The following UNC80 variants were observed in gnomAD, a reference collection of about 807,000 sequenced individuals.
UNC80 encodes protein unc-80 homolog.
Under a neutral mutation model 384.6 loss-of-function variants are expected in UNC80, and 164 were observed. The ratio of observed to expected loss-of-function variants is 0.43; its 90% CI spans 0.38 to 0.49. UNC80 has a LOEUF of 0.49. UNC80 is among the 20% of genes least tolerant of loss of function. The pLI is 0.00. For synonymous variants in UNC80, 1,486 were observed against 1,527.8 expected, an observed-to-expected ratio of 0.97 and a Z score of 0.64; for missense variants, 3,330 against 4,143.0, an observed-to-expected ratio of 0.80 and a Z score of 5.39.
chr2:209,874,897 C>T (rs2084640759), intron 23 of UNC80, among the ~76,000 whole-genome samples: 1 of 152,126 alleles, frequency 6.6e-6, no homozygotes, highest in Admixed American at 6.6e-5. Flanking sequence ...CCCTTCTGAG[C>T]TTTCTATTCT....
intron 44 of UNC80, among the ~76,000 whole-genome samples, chr2:209,942,081 A>C (rs549413334): frequency 1.3e-5 from 2 of 152,256 alleles, no homozygotes; most frequent in African/African-American, 4.8e-5. Flanking sequence ...AGGGACCAGT[A>C]CTGGTCTGTG....
intron 22 of UNC80, among the ~76,000 whole-genome samples, chr2:209,855,226 A>G (rs1409874111): frequency 3.3e-5 from 5 of 152,218 alleles, no homozygotes; most frequent in African/African-American, 1.2e-4. Flanking sequence ...GTTCTCACTT[A>G]TAAGTGGGAG....
intron 29 of UNC80, among the ~76,000 whole-genome samples, chr2:209,909,202 A>T (rs1375601744): frequency 1.3e-5 from 2 of 152,218 alleles, no homozygotes; most frequent in Non-Finnish European, 2.9e-5. Flanking sequence ...TAACTCAAAA[A>T]ATATTCTTGA....
chr2:209,779,275 G>A (rs557581761), intron 4 of UNC80, among the ~76,000 whole-genome samples: 1 of 152,030 alleles, frequency 6.6e-6, no homozygotes, highest in African/African-American at 2.4e-5. Context: ...TCAGGCTTGT[G>A]GGATTCTCAC....
intron 6 of UNC80, among the ~76,000 whole-genome samples, chr2:209,791,539 G>A (rs1463158579): frequency 3.3e-5 from 5 of 151,770 alleles, no homozygotes; most frequent in Admixed American, 6.6e-5. Context: ...TCTTTCCTTC[G>A]TCTAAATTTT....
At chr2:209,847,183 C>T (rs2082230522) in intron 21 of UNC80, among the ~76,000 whole-genome samples, 2 of 151,992 alleles carry the variant, frequency 1.3e-5, no homozygotes, top group African/African-American at 4.8e-5. Context: ...CTCTTTATCT[C>T]TCTGTCTCTG....
intron 56 of UNC80, 27 bp downstream of exon 56, chr2:209,973,297 T>C: frequency 6.5e-7 from 1 of 1,536,512 alleles, no homozygotes; most frequent in South Asian, 1.2e-5. Context: ...TCTCTCTCTC[T>C]GTTTGTGCAT....
chr2:209,918,456 T>C (rs557637009), intron 32 of UNC80, 76 bp from the exon 33 acceptor site: 22 of 1,443,844 alleles, frequency 1.5e-5, no homozygotes, highest in African/African-American at 4.2e-5. Context: ...CTGAGACAGA[T>C]TGTGTCATCA....
At chr2:209,837,116 A>C (rs1337631216) in intron 18 of UNC80, among the ~76,000 whole-genome samples, 1 of 152,180 alleles carries the variant, frequency 6.6e-6, no homozygotes, top group Admixed American at 6.5e-5. Context: ...TTTTTAAAAA[A>C]AGAACTTAAA....
chr2:209,967,553 C>A lies in UNC80; in HGVS notation c.7922C>A (p.Ala2641Asp). The change falls in exon 52 of 65, where the codon GCT becomes GAT. Residue 2641 changes from alanine (A) to aspartate (D), a missense_variant. Coordinates refer to ENST00000673920, the MANE Select transcript of UNC80 (RefSeq NM_001371986.1). ...ATGCTACCCATTACTGACTGGACAG[C>A]TGAGGCAGTGAGGCCGGCCCTCATC... ...MEMLPITDWTAEAVRPALILI... is the reference protein window; with the variant it reads ...MEMLPITDWTDEAVRPALILI... The A allele has an allele frequency of 6.4e-7, 1 of 1,551,636 alleles. No individual in the cohort carries two copies. The highest frequency in any genetic ancestry group is 1.4e-5 in the African/African-American group (1 of 73,136).
intron 51 of UNC80, among the ~76,000 whole-genome samples, chr2:209,963,233 C>G (rs1304138917): frequency 6.6e-6 from 1 of 152,204 alleles, no homozygotes; most frequent in Non-Finnish European, 1.5e-5. Flanking sequence ...CTGTCTGTCT[C>G]TCTCTCGTGT....
At chr2:209,860,146 G>A (rs964863530) in intron 22 of UNC80, among the ~76,000 whole-genome samples, 1 of 152,232 alleles carries the variant, frequency 6.6e-6, no homozygotes, top group Non-Finnish European at 1.5e-5. Flanking sequence ...TTTCTTCTAG[G>A]ATTTTTATGG....
chr2:209,777,156 A>G, intron 3 of UNC80, 102 bp from the exon 4 acceptor site: 1 of 1,298,298 alleles, frequency 7.7e-7, no homozygotes. Context: ...GGTTGTAAGA[A>G]GTATAGAGAA....
chr2:209,873,012 G>A (rs1004290363), intron 23 of UNC80, 42 bp downstream of exon 23: 4 of 1,499,936 alleles, frequency 2.7e-6, no homozygotes, highest in Admixed American at 2.0e-5. Context: ...GGTTGCTTAA[G>A]TGAAGTGGAG....
intron 28 of UNC80, 90 bp from the exon 29 acceptor site, chr2:209,904,675 T>C (rs1461403056): frequency 2.6e-6 from 3 of 1,152,076 alleles, no homozygotes; most frequent in African/African-American, 3.1e-5. Flanking sequence ...GAAGCTGACA[T>C]TCTGACTTCC....
intron 61 of UNC80, among the ~76,000 whole-genome samples, chr2:209,988,546 T>C (rs1489903176): frequency 6.6e-6 from 1 of 152,162 alleles, no homozygotes; most frequent in African/African-American, 2.4e-5. Flanking sequence ...ATAAAAGATA[T>C]ACTTTATAAA....
At chr2:209,946,066 GA>G in intron 47 of UNC80, 123 bp downstream of exon 47, 1 of 771,270 alleles carries the variant, frequency 1.3e-6, no homozygotes, top group Non-Finnish European at 2.1e-6. Context: ...TAAGCTTTTA[GA>G]AACTAAATTT....
intron 24 of UNC80, among the ~76,000 whole-genome samples, chr2:209,878,546 T>C (rs975819259): frequency 3.1e-4 from 47 of 152,148 alleles, no homozygotes; most frequent in African/African-American, 1.1e-3. Flanking sequence ...TTAAACAGAG[T>C]ATATTATAGT....
chr2:209,955,692 A>AAC (rs2092370516), intron 48 of UNC80, among the ~76,000 whole-genome samples: 1 of 51,614 alleles, frequency 1.9e-5, no homozygotes, highest in Non-Finnish European at 3.9e-5. Context: ...CTGTATTTCT[A>AAC]ATATATATAT....
Sources: gnomAD v4.1 joint callset for allele counts (sites outside exome capture counted in the v4.1 genomes callset) on GRCh38, gnomAD v4.1.1 for gene constraint, MANE v1.5 for transcripts, NCBI Gene and HGNC (gene_info 2026-07-23, HGNC 2026-07-21) for gene names.